PKHD1L1: variants seen among roughly 807,000 people sequenced by gnomAD.
PKHD1L1 encodes the protein PKHD1 like 1.
PKHD1L1 carries 434 observed loss-of-function variants against 462.9 expected under a neutral mutation model. That is an observed-to-expected ratio of 0.94 (90% confidence interval 0.87 to 1.02). PKHD1L1 has a LOEUF of 1.02. PKHD1L1 is among the 50% of genes least tolerant of loss of function. The probability of loss-of-function intolerance (pLI) is 0.00; values close to 1 mark genes in which losing one functional copy is unlikely to be tolerated. For synonymous variants in PKHD1L1, 1,781 were observed against 1,750.0 expected (o/e 1.02, Z -0.44); for missense variants, 5,202 against 5,096.1 (o/e 1.02, Z -0.63).
intron 6 of PKHD1L1, among the ~76,000 whole-genome samples, chr8:109,386,968 A>G (rs958125426): frequency 6.6e-6 from 1 of 152,160 alleles, no homozygotes; most frequent in East Asian, 1.9e-4. Flanking sequence ...GTACTTTGGA[A>G]ATCCTGAGCT....
Position 109,466,649 on chromosome 8 carries a change from T to G in PKHD1L1, c.8485T>G (p.Trp2829Gly). ...DPSHCTQEAE[W>G]SIGFPGSVCD... ...TTCTCATTGTACTCAGGAAGCTGAGTGGAGCATTGGGTTCCCTGGATCAGT... is the reference window on the plus strand; with the variant it reads ...TTCTCATTGTACTCAGGAAGCTGAGGGGAGCATTGGGTTCCCTGGATCAGT... Residue 2829 changes from tryptophan (W) to glycine (G), a missense_variant, in exon 50 of 78, where the codon TGG becomes GGG. By Grantham distance (184) the Trp-to-Gly change is radical. Around this residue, in one of 3 missense-constraint regions of PKHD1L1, gnomAD observed 4,497 missense variants for 4,336.8 expected, o/e 1.04. Coordinates refer to ENST00000378402, the MANE Select transcript of PKHD1L1 (RefSeq NM_177531.6). The G allele has an allele frequency of 6.2e-7, 1 of 1,610,482 alleles. No individual in the cohort carries two copies. The highest frequency in any genetic ancestry group is 8.5e-7 in the Non-Finnish European group (1 of 1,178,310).
intron 63 of PKHD1L1, 57 bp downstream of exon 63, chr8:109,493,808 T>TA (rs1366258506): frequency 8.6e-7 from 1 of 1,165,486 alleles, no homozygotes; most frequent in African/African-American, 1.6e-5. Context: ...ACAAAATTGT[T>TA]AAAATAAATA....
Position 109,486,824 on chromosome 8 carries a change from T to G in PKHD1L1, c.9880+3T>G. On this transcript the variant is annotated splice_donor_region_variant and intron_variant, in intron 59 of 77. Transcript: ENST00000378402. ...TGAAAATATGATGACATTTAAAGGT[T>G]GGTATCAATTCAGTTTATTTTTCTA... 1 of 1,610,448 alleles carries G rather than the reference T, an allele frequency of 6.2e-7. No homozygotes were observed. Among genetic ancestry groups the G allele is most frequent in the Non-Finnish European group, 8.5e-7 (1 of 1,177,598 alleles).
At chr8:109,386,821 C>A (rs573240754) in intron 6 of PKHD1L1, among the ~76,000 whole-genome samples, 1 of 152,096 alleles carries the variant, frequency 6.6e-6, no homozygotes, top group African/African-American at 2.4e-5. Context: ...GTTTAACTTT[C>A]AAAAAGAGAT....
intron 59 of PKHD1L1, 100 bp from the exon 60 acceptor site, chr8:109,489,852 T>G: frequency 1.3e-6 from 1 of 760,926 alleles, no homozygotes; most frequent in Non-Finnish European, 2.2e-6. Context: ...AGAATAATGA[T>G]TTTTTCATGA....
chr8:109,425,935 A>G (rs1814723593), intron 24 of PKHD1L1, among the ~76,000 whole-genome samples: 1 of 152,142 alleles, frequency 6.6e-6, no homozygotes, highest in South Asian at 2.1e-4. Flanking sequence ...TCTAAAATAT[A>G]GCTACCAGAA....
At chr8:109,527,367 G>A (rs1039621426) in intron 77 of PKHD1L1, among the ~76,000 whole-genome samples, 2 of 152,058 alleles carry the variant, frequency 1.3e-5, no homozygotes, top group African/African-American at 2.4e-5. Flanking sequence ...AGCTGGGCAT[G>A]GTGGTGGGCA....
intron 8 of PKHD1L1, among the ~76,000 whole-genome samples, chr8:109,390,045 T>C (rs1235125094): frequency 6.6e-6 from 1 of 152,148 alleles, no homozygotes; most frequent in Non-Finnish European, 1.5e-5. Flanking sequence ...TTCCTTCCTC[T>C]AGACAATATG....
chr8:109,408,802 T>C (rs1586450443), intron 18 of PKHD1L1, among the ~76,000 whole-genome samples: 1 of 152,286 alleles, frequency 6.6e-6, no homozygotes, highest in East Asian at 1.9e-4. Context: ...CAGAACACCA[T>C]TTAAATGTCA....
At chr8:109,400,505 A>G (rs181855704) in intron 13 of PKHD1L1, among the ~76,000 whole-genome samples, 161 bp downstream of exon 13, 2 of 152,234 alleles carry the variant, frequency 1.3e-5, no homozygotes, top group East Asian at 1.9e-4. Context: ...GATACAAGAT[A>G]TAAGATGATA....
chr8:109,400,546 G>A (rs116030237), intron 13 of PKHD1L1, among the ~76,000 whole-genome samples: 145 of 151,934 alleles, frequency 9.5e-4, no homozygotes, highest in Middle Eastern at 3.4e-3. Flanking sequence ...AAAATTTCCC[G>A]TACCTGAAAA....
chr8:109,440,594 T>C, intron 32 of PKHD1L1, 116 bp from the exon 33 acceptor site: 2 of 846,462 alleles, frequency 2.4e-6, no homozygotes, highest in South Asian at 2.6e-5. Flanking sequence ...GAAAAAGTAA[T>C]GTACAGTTAA....
At chr8:109,370,582 T>A (rs184938467) in intron 2 of PKHD1L1, among the ~76,000 whole-genome samples, 2 of 152,140 alleles carry the variant, frequency 1.3e-5, no homozygotes, top group Non-Finnish European at 2.9e-5. Context: ...TATGTATACA[T>A]GTGCCATGTT....
intron 69 of PKHD1L1, 76 bp downstream of exon 69, chr8:109,507,971 GC>G: frequency 1.3e-6 from 2 of 1,532,744 alleles, no homozygotes; most frequent in Non-Finnish European, 1.8e-6. Flanking sequence ...TTAATGACTT[GC>G]CTACTCAACC....
In PKHD1L1 at chr8:109,444,813, C is replaced by T. The variant is rs1359994074; in HGVS notation, c.4944C>T (p.Ser1648=). The T allele has an allele frequency of 1.2e-6, 2 of 1,613,958 alleles. No homozygotes were observed. The highest frequency in any genetic ancestry group is 1.3e-5 in the African/African-American group (1 of 75,024). The part of the protein sequence containing the change: ...YNLGTAINTL[S]NEFDRRFVLL... ...TGGGCACTGCTATCAATACGTTGTC[C>T]AATGAATTTGATAGGCGATTTGTAC... The change falls in exon 38 of 78, where the codon TCC becomes TCT. Residue 1648 remains serine, a synonymous_variant. Transcript: ENST00000378402.
chr8:109,388,884 ATTG>A (rs763339094), intron 7 of PKHD1L1, among the ~76,000 whole-genome samples, 192 bp from the exon 8 acceptor site: 4 of 152,142 alleles, frequency 2.6e-5, no homozygotes, highest in African/African-American at 9.7e-5. Context: ...AAAATATTTT[ATTG>A]TTGTATAAAA....
At chr8:109,401,617 T>C in intron 14 of PKHD1L1, 29 bp downstream of exon 14, 1 of 1,185,370 alleles carries the variant, frequency 8.4e-7, no homozygotes, top group East Asian at 2.4e-5. Context: ...ATTAAATTAC[T>C]GTGTGGTATT....
chr8:109,525,761 T>C (rs1327514280), intron 76 of PKHD1L1, among the ~76,000 whole-genome samples: 7 of 152,134 alleles, frequency 4.6e-5, no homozygotes, highest in Admixed American at 2.0e-4. Context: ...GATTTTTTAA[T>C]GCAAAAAGAA....
chr8:109,491,859 CT>C lies in PKHD1L1; in HGVS notation c.10115-7del. 4 of 1,564,472 alleles carry C rather than the reference CT, an allele frequency of 2.6e-6. No homozygotes were observed. The highest frequency in any genetic ancestry group is 2.3e-5 in the East Asian group (1 of 44,404). Reference sequence around the variant, plus strand: ...TTTTGGGGATTTTCTTTCTTTTTTTCTTTTTTTAAACAGGCATAAGAATATG... The same window carrying C: ...TTTTGGGGATTTTCTTTCTTTTTTTCTTTTTTAAACAGGCATAAGAATATG... On this transcript the variant is annotated splice_polypyrimidine_tract_variant and intron_variant, in intron 61 of 77. Coordinates refer to ENST00000378402, the MANE Select transcript of PKHD1L1 (RefSeq NM_177531.6).
Sources: allele counts gnomAD v4.1 joint callset (sites outside exome capture counted in the v4.1 genomes callset), GRCh38; gene constraint gnomAD v4.1.1; regional missense constraint gnomAD v4.1.1; transcripts MANE v1.5; gene names NCBI Gene and HGNC (gene_info 2026-07-23, HGNC 2026-07-21).